Variants in SCART1 observed in about 807,000 individuals in gnomAD.
SCART1 encodes scavenger receptor cysteine-rich domain-containing protein SCART1.
Under a neutral mutation model 36.2 loss-of-function variants are expected in SCART1, and 62 were observed. The ratio of observed to expected loss-of-function variants is 1.71; its 90% CI spans 1.40 to 2.12. The LOEUF (loss-of-function observed/expected upper bound fraction) is 2.12, where lower values mean the gene tolerates loss of function less well. Among genes scored for constraint, SCART1 ranks in the 30% most tolerant of loss-of-function variants. The pLI is 0.00. For missense variants in SCART1, 1,041 were observed against 540.5 expected (o/e 1.93, Z -9.18); for synonymous variants, 487 against 238.7 (o/e 2.04, Z -9.59).
rs1850757531 is a variant in SCART1 at position 133,465,695 on chromosome 10, A to AT, written c.2659+135dup. On this transcript the variant is annotated intron_variant, in intron 9 of 11. Transcript: ENST00000640237. ...TTAGTGGGTTGGTTTCCACCCTGGG[A>AT]TTTTTCTGGGATAGGCTGATTTGCT... 5.0e-6 allele frequency: 3 copies of AT among 604,396 alleles called. No individual in the cohort carries two copies. The South Asian group carries it at 6.0e-5, about 12-fold the overall frequency. 37.4% of individuals were successfully genotyped at this position (604,396 alleles called of 1,614,324 possible). A position where few individuals can be genotyped will look rare whatever the true frequency, so the allele number is the denominator to read the frequency against.
intron 6 of SCART1, among the ~76,000 whole-genome samples, chr10:133,461,428 C>T (rs186039462): frequency 3.3e-5 from 5 of 152,306 alleles, no homozygotes; most frequent in Admixed American, 1.3e-4. Flanking sequence ...ACTTTAGGAA[C>T]GCTTTCTTCA....
At chr10:133,466,651 T>A (rs77496388) in intron 10 of SCART1, among the ~76,000 whole-genome samples, 3,945 of 152,270 alleles carry the variant, frequency 0.026, 127 homozygotes, top group African/African-American at 0.086. Context: ...GATGCCCATA[T>A]TATCATCCCT....
intron 3 of SCART1, 74 bp from the exon 4 acceptor site, chr10:133,458,286 G>C (rs1427271157): frequency 1.1e-5 from 8 of 701,880 alleles, no homozygotes; most frequent in Middle Eastern, 2.3e-4. Context: ...GAAGCCTTCC[G>C]CAGTCTGAGG....
intron 3 of SCART1, chr10:133,458,048 C>A: frequency 1.7e-6 from 1 of 593,970 alleles, no homozygotes; most frequent in South Asian, 1.9e-5. Context: ...CCAAGGGGTG[C>A]CCTGACCTCG....
intron 2 of SCART1, chr10:133,457,075 C>T (rs1850625985): frequency 5.2e-6 from 3 of 581,798 alleles, no homozygotes; most frequent in South Asian, 2.3e-5. Flanking sequence ...TGCGGGGAAC[C>T]TTGTTTCAGG....
At chr10:133,461,458 C>G (rs889160517) in intron 6 of SCART1, among the ~76,000 whole-genome samples, 2 of 152,178 alleles carry the variant, frequency 1.3e-5, no homozygotes, top group Non-Finnish European at 2.9e-5. Flanking sequence ...TGGATTATTA[C>G]GTTTATTTCA....
chr10:133,468,244 G>T (rs573331438), exon 12 of SCART1: 26 of 285,032 alleles, frequency 9.1e-5, no homozygotes, highest in African/African-American at 5.4e-4. Flanking sequence ...GGTTCCATTT[G>T]TGGTTTAGAG....
chr10:133,458,284 C>T (rs1396432414), intron 3 of SCART1, 76 bp from the exon 4 acceptor site: 4 of 701,852 alleles, frequency 5.7e-6, no homozygotes, highest in East Asian at 2.7e-5. Context: ...CTGAAGCCTT[C>T]CGCAGTCTGA....
chr10:133,469,645 T>C (rs954537725), downstream of SCART1, among the ~76,000 whole-genome samples: 5 of 152,114 alleles, frequency 3.3e-5, no homozygotes, highest in African/African-American at 9.7e-5. Flanking sequence ...CTAAGGTAGA[T>C]GACGGGTTGA....
chr10:133,468,073 C>A, exon 12 of SCART1: 1 of 591,750 alleles, frequency 1.7e-6, no homozygotes, highest in South Asian at 2.0e-5. Flanking sequence ...ATGCCTTTCT[C>A]TTGCAATGTC....
At chr10:133,461,076 A>G (rs1391300472) in intron 6 of SCART1, among the ~76,000 whole-genome samples, 1 of 151,964 alleles carries the variant, frequency 6.6e-6, no homozygotes, top group East Asian at 1.9e-4. Flanking sequence ...GAGCTTTATT[A>G]TTATTATTAT....
At chr10:133,465,440 C>T in exon 9 of SCART1, 1 of 546,830 alleles carries the variant, frequency 1.8e-6, no homozygotes, top group Non-Finnish European at 3.2e-6. Flanking sequence ...GGCCCTGGCT[C>T]CGGGCCCGTG....
chr10:133,459,289 C>A, exon 5 of SCART1: 1 of 650,114 alleles, frequency 1.5e-6, no homozygotes, highest in Non-Finnish European at 2.8e-6. Context: ...GGGCCCCGGC[C>A]TGTGCCCCGG....
chr10:133,460,754 CTT>C (rs35502706), intron 6 of SCART1, among the ~76,000 whole-genome samples: 1 of 144,104 alleles, frequency 6.9e-6, no homozygotes, highest in African/African-American at 2.5e-5. Flanking sequence ...TTTTTGCAGA[CTT>C]TTTTTTTTTT....
chr10:133,457,043 G>A, intron 2 of SCART1: 1 of 559,194 alleles, frequency 1.8e-6, no homozygotes, highest in South Asian at 2.5e-5. Flanking sequence ...CTACCATTTT[G>A]GGGCCCAGTG....
intron 6 of SCART1, among the ~76,000 whole-genome samples, chr10:133,460,578 C>T (rs968724628): frequency 4.2e-5 from 6 of 144,194 alleles, no homozygotes; most frequent in African/African-American, 8.0e-5. Flanking sequence ...CTGTGTTGCC[C>T]AGGCTGGAGT....
intron 6 of SCART1, among the ~76,000 whole-genome samples, chr10:133,461,420 T>G (rs1272074076): frequency 3.3e-5 from 5 of 152,234 alleles, no homozygotes; most frequent in Non-Finnish European, 7.3e-5. Context: ...TATATTTTAC[T>G]TTAGGAACGC....
At chr10:133,465,683 T>G in intron 9 of SCART1, 118 bp downstream of exon 9, 1 of 606,534 alleles carries the variant, frequency 1.6e-6, no homozygotes. Flanking sequence ...GTGGGTTGGT[T>G]TCCACCCTGG....
chr10:133,456,539 G>T lies in SCART1; in HGVS notation c.370G>T (p.Val124Phe), dbSNP rs1331263268. 3 of 667,490 alleles carry T rather than the reference G, an allele frequency of 4.5e-6. No individual in the cohort carries two copies. The South Asian group carries it at 4.9e-5, about 11-fold the overall frequency. The allele number at this position is 667,490 out of a possible 1,614,324, so 41.3% of individuals were successfully genotyped here. A position where few individuals can be genotyped will look rare whatever the true frequency, so the allele number is the denominator to read the frequency against. Residue 124 changes from valine (V) to phenylalanine (F), a missense_variant, in exon 2 of 12, where the codon GTC becomes TTC. Val to Phe is a conservative substitution (Grantham distance 50). Transcript: ENST00000640237. The stretch of plus-strand genomic sequence containing the variant: ...CCCGTGCCCCCACGCATGGGTGGTG[G>T]TCGCGCTGTGCTCCAGTAAGTAGGG...
Sources: allele counts gnomAD v4.1 joint callset (sites outside exome capture counted in the v4.1 genomes callset), GRCh38; gene constraint gnomAD v4.1.1; transcripts MANE v1.5; gene names NCBI Gene and HGNC (gene_info 2026-07-23, HGNC 2026-07-21).